BRD1: variants seen among roughly 807,000 people sequenced by gnomAD.
BRD1 encodes the protein bromodomain containing 1.
Under a neutral mutation model 107.7 loss-of-function variants are expected in BRD1, and 24 were observed. That is an observed-to-expected ratio of 0.22 (90% CI 0.16 to 0.31). The LOEUF is 0.31. BRD1 is among the 10% of genes least tolerant of loss of function. The pLI is 1.00. For missense variants in BRD1, 1,279 were observed against 1,638.6 expected, an observed-to-expected ratio of 0.78 and a Z score of 3.79; for synonymous variants, 744 against 686.1, an observed-to-expected ratio of 1.08 and a Z score of -1.32.
In BRD1 at chr22:49,823,059, A is replaced by G. The variant is rs2060100183; in HGVS notation, c.1259T>C (p.Val420Ala). The G allele has an allele frequency of 1.2e-6, 2 of 1,614,148 alleles. No homozygotes were observed. The highest frequency in any genetic ancestry group is 1.7e-6 in the Non-Finnish European group (2 of 1,180,020). The change falls in exon 2 of 13, where the codon GTC (valine) becomes GCC (alanine). Residue 420 changes from valine (V) to alanine (A), a missense_variant. Around this residue, in one of 7 missense-constraint regions of BRD1, gnomAD observed 87 missense variants for 77.1 expected, o/e 1.13. Coordinates refer to ENST00000404760, the MANE Select transcript of BRD1 (RefSeq NM_001304808.3). ...VCRKESSVKTVRSTSKVRKKA... is the reference protein window; with the variant it reads ...VCRKESSVKTARSTSKVRKKA... ...CTTCCTGACCTTGGATGTGGACCTG[A>G]CCGTTTTAACCGAGCTCTCTTTTCG...
intron 8 of BRD1, among the ~76,000 whole-genome samples, chr22:49,779,362 T>A (rs1011780961): frequency 2.6e-5 from 4 of 152,214 alleles, no homozygotes; most frequent in Non-Finnish European, 5.9e-5. Context: ...TCAATGAGCA[T>A]GACTGACTGA....
At chr22:49,800,292 G>A (rs1323934987) in intron 3 of BRD1, among the ~76,000 whole-genome samples, 2 of 152,200 alleles carry the variant, frequency 1.3e-5, no homozygotes, top group East Asian at 1.9e-4. Context: ...TCTCCATGGC[G>A]AGGCAGAGCG....
At chr22:49,804,483 T>C in intron 2 of BRD1, 123 bp from the exon 3 acceptor site, 1 of 1,104,076 alleles carries the variant, frequency 9.1e-7, no homozygotes, top group Non-Finnish European at 1.3e-6. Context: ...CCCTAAGCCA[T>C]GACACCTGTA....
rs555998295 is a variant in BRD1, at chr22:49,795,789, C to T, written c.2099-1495G>A. ...GAGGCGGGGGAAGCTTTCCCACGGTCACCAGAGGCTAGAGAAGGACCTTCC... is the reference window on the plus strand; with the variant it reads ...GAGGCGGGGGAAGCTTTCCCACGGTTACCAGAGGCTAGAGAAGGACCTTCC... On this transcript the variant is annotated intron_variant, in intron 6 of 12. Coordinates refer to ENST00000404760, the MANE Select transcript of BRD1 (RefSeq NM_001304808.3). Among the ~76,000 whole-genome samples, 3 of 152,348 alleles carry T rather than the reference C, an allele frequency of 2.0e-5. No individual in the cohort carries two copies. In the South Asian group the frequency reaches 6.2e-4, roughly 32 times the overall value.
chr22:49,809,845 C>G (rs1158785981), intron 2 of BRD1, among the ~76,000 whole-genome samples: 1 of 152,140 alleles, frequency 6.6e-6, no homozygotes, highest in African/African-American at 2.4e-5. Flanking sequence ...GTTAAACCTA[C>G]AAGCCTAATG....
intron 2 of BRD1, among the ~76,000 whole-genome samples, chr22:49,813,221 T>C (rs1165737513): frequency 6.6e-6 from 1 of 152,094 alleles, no homozygotes; most frequent in East Asian, 1.9e-4. Flanking sequence ...TGAGACGCCA[T>C]CTCTATTTTT....
chr22:49,797,125 G>A (rs975444206), intron 6 of BRD1, among the ~76,000 whole-genome samples: 1 of 152,202 alleles, frequency 6.6e-6, no homozygotes, highest in East Asian at 1.9e-4. Flanking sequence ...TAACAAGCAG[G>A]GTGCAGGGGA....
intron 7 of BRD1, among the ~76,000 whole-genome samples, chr22:49,789,159 G>A (rs1890629032): frequency 6.6e-6 from 1 of 152,202 alleles, no homozygotes; most frequent in East Asian, 1.9e-4. Context: ...AAAGCCTCCC[G>A]TGTCAGCCGC....
rs2059488560 is a variant in BRD1, at chr22:49,794,203, A to G, written c.2190T>C (p.Ala730=). ...TGCTCCGGGAGCCGCTGGACTTCAT[A>G]GCGCAGGTGAGGTCGAGCATGTCCA... The part of the protein sequence containing the change: ...ELLDMLDLTC[A]MKSSGSRSKR... The change falls in exon 7 of 13, where the codon GCT becomes GCC. Residue 730 remains alanine, a synonymous_variant. Coordinates refer to ENST00000404760, the MANE Select transcript of BRD1 (RefSeq NM_001304808.3). 6.2e-7 allele frequency: 1 copy of G among 1,614,116 alleles called. No individual in the cohort carries two copies. Among genetic ancestry groups the G allele is most frequent in the Non-Finnish European group, 8.5e-7 (1 of 1,180,060 alleles).
rs2060120584 is a variant in BRD1 at position 49,824,198 on chromosome 22, T to C, written c.120A>G (p.Val40=). The C allele has an allele frequency of 3.7e-6, 6 of 1,613,968 alleles. No homozygotes were observed. The highest frequency in any genetic ancestry group is 1.6e-4 in the Middle Eastern group (1 of 6,062). ...TLTYAQAQRM[V]EIEIEGRLHR... ...GCAAGCGCCCTTCAATTTCTATCTC[T>C]ACCATCCTTTGAGCTTGAGCGTAGG... The change falls in exon 2 of 13, where the codon GTA becomes GTG. Residue 40 remains valine (V), a synonymous_variant. Coordinates refer to ENST00000404760, the MANE Select transcript of BRD1 (RefSeq NM_001304808.3). This position sits in a 1 kb window ranked among gnomAD's most constrained non-coding sequence, Gnocchi z 5.9.
At chr22:49,775,836 CCAGCTGTGTGAGCCTCCTCAGACCA>C in intron 11 of BRD1, 91 bp from the exon 12 acceptor site, 1 of 1,270,248 alleles carries the variant, frequency 7.9e-7, no homozygotes, top group Non-Finnish European at 1.0e-6. Flanking sequence ...CCTCCCCACC[CCAGCTGTGTGAGCCTCCTCAGACCA>C]CCCCCACGCC....
intron 10 of BRD1, 45 bp from the exon 11 acceptor site, chr22:49,776,204 G>A (rs138824): frequency 0.088 from 135,523 of 1,531,808 alleles, 6,499 homozygotes; most frequent in South Asian, 0.11. Flanking sequence ...AGCAGGACAC[G>A]GGGCACGCCC....
chr22:49,792,650 G>C lies in BRD1; in HGVS notation c.2359+1384C>G, dbSNP rs910958351. On this transcript the variant is annotated intron_variant, in intron 7 of 12. Coordinates refer to ENST00000404760, the MANE Select transcript of BRD1 (RefSeq NM_001304808.3). This position sits in a 1 kb window ranked among gnomAD's most constrained non-coding sequence, Gnocchi z 4.2. ...CGTAATTGACGCCAGCCCCAAAAGA[G>C]ACATTCTAGAGTCTGGGTACTATAC... Among the ~76,000 whole-genome samples, 2 of 152,204 alleles carry C rather than the reference G, an allele frequency of 1.3e-5. No individual in the cohort carries two copies. Among genetic ancestry groups the C allele is most frequent in the African/African-American group, 4.8e-5 (2 of 41,444 alleles).
rs993271565 is a variant in BRD1, at chr22:49,803,623, T to C, written c.1524+581A>G. Among the ~76,000 whole-genome samples, 3 of 152,202 alleles carry C rather than the reference T, an allele frequency of 2.0e-5. No individual in the cohort carries two copies. Among genetic ancestry groups the C allele is most frequent in the African/African-American group, 7.2e-5 (3 of 41,436 alleles). The stretch of plus-strand genomic sequence containing the variant: ...AACCTACTATCAAAATGTAAGAGTT[T>C]GGGTTTGTTCTTTTAAAAAGGAAAA... On this transcript the variant is annotated intron_variant, in intron 3 of 12. Transcript: ENST00000404760. The surrounding 1 kb of genome is among the most constrained non-coding windows in gnomAD (Gnocchi z 4.4).
rs1447699484 is a variant in BRD1, at chr22:49,823,858, C to T, written c.460G>A (p.Val154Met). The T allele has an allele frequency of 1.2e-6, 2 of 1,614,206 alleles. No homozygotes were observed. The highest frequency in any genetic ancestry group is 1.1e-5 in the South Asian group (1 of 91,088). The change falls in exon 2 of 13, where the codon GTG becomes ATG. Residue 154 changes from valine (V) to methionine (M), a missense_variant. Val to Met is a conservative substitution (Grantham distance 21, BLOSUM62 1). Coordinates refer to ENST00000404760, the MANE Select transcript of BRD1 (RefSeq NM_001304808.3). ...TCCTCCTCGTCCATGTCATACTCCA[C>T]CTCGTTGTCCAGTTCCTCGGCCGAC... ...EKSAEELDNE[V>M]EYDMDEEDYA...
In BRD1 at chr22:49,827,600, G is replaced by C. The variant is rs1425665031; in HGVS notation, c.-118C>G. On this transcript the variant is annotated 5_prime_UTR_variant, in exon 1 of 13. Transcript: ENST00000404760. Reference sequence around the variant, plus strand: ...GCCCGCGGCTCCTCCGCCAACGGCCGCGCAGGCCGGGCCCCGCCGCCGCTC... The same window carrying C: ...GCCCGCGGCTCCTCCGCCAACGGCCCCGCAGGCCGGGCCCCGCCGCCGCTC... 1.4e-5 allele frequency: 2 copies of C among 144,992 alleles called. No individual in the cohort carries two copies. The highest frequency in any genetic ancestry group is 3.1e-5 in the Non-Finnish European group (2 of 65,438). The allele number at this position is 144,992 out of a possible 1,614,324, so 9.0% of individuals were successfully genotyped here.
chr22:49,807,077 T>C (rs2059760362), intron 2 of BRD1: 1 of 151,286 alleles, frequency 6.6e-6, no homozygotes, highest in Non-Finnish European at 1.5e-5. Flanking sequence ...CAACATCAAG[T>C]ATTCCTTGGA....
At chr22:49,795,672 C>A (rs978275578) in intron 6 of BRD1, among the ~76,000 whole-genome samples, 1 of 152,226 alleles carries the variant, frequency 6.6e-6, no homozygotes, top group Non-Finnish European at 1.5e-5. Flanking sequence ...AGGCAACCAG[C>A]GTACGTCCTG....
At chr22:49,826,088 G>T in intron 1 of BRD1, 1 of 847,958 alleles carries the variant, frequency 1.2e-6, no homozygotes, top group Non-Finnish European at 1.4e-6. Flanking sequence ...CGACCCTAGT[G>T]CACCCGGGAC....
Sources: allele counts gnomAD v4.1 joint callset (sites outside exome capture counted in the v4.1 genomes callset), GRCh38; gene constraint gnomAD v4.1.1; regional missense constraint gnomAD v4.1.1; non-coding constraint Gnocchi (gnomAD v3.1); transcripts MANE v1.5; gene names NCBI Gene and HGNC (gene_info 2026-07-23, HGNC 2026-07-21).